ALG1: variants seen among roughly 807,000 people sequenced by gnomAD.
ALG1 encodes the protein ALG1 chitobiosyldiphosphodolichol beta-mannosyltransferase, also known as chitobiosyldiphosphodolichol beta-mannosyltransferase.
Under a neutral mutation model 55.1 loss-of-function variants are expected in ALG1, and 58 were observed. That is an observed-to-expected ratio of 1.05 (90% CI 0.85 to 1.31). The LOEUF is 1.31. ALG1 is among the 50% of genes most tolerant of loss of function. The pLI, the probability that ALG1 is intolerant of heterozygous loss-of-function variation, is 0.00. For synonymous variants in ALG1, 309 were observed against 247.0 expected, an observed-to-expected ratio of 1.25 and a Z score of -2.35; for missense variants, 761 against 598.6, an observed-to-expected ratio of 1.27 and a Z score of -2.83.
intron 3 of ALG1, among the ~76,000 whole-genome samples, chr16:5,074,991 C>G (rs1037565065): frequency 6.6e-6 from 1 of 152,174 alleles, no homozygotes; most frequent in African/African-American, 2.4e-5. Context: ...GCAGCCTCAT[C>G]CTCCTGGGCT....
chr16:5,083,246 A>G (rs1957047509), intron 11 of ALG1, among the ~76,000 whole-genome samples: 1 of 152,062 alleles, frequency 6.6e-6, no homozygotes, highest in Non-Finnish European at 1.5e-5. Context: ...CGGCCCCTGG[A>G]TGGGATTTAG....
Position 5,072,005 on chromosome 16 carries a change from C to T in ALG1, c.156C>T (p.His52=), listed in dbSNP as rs1463543177. 3.8e-6 allele frequency: 6 copies of T among 1,598,012 alleles called. No homozygotes were observed. The highest frequency in any genetic ancestry group is 2.3e-5 in the South Asian group (2 of 88,882). Residue 52 remains histidine, a synonymous_variant, in exon 1 of 13, where the codon CAC becomes CAT. Transcript: ENST00000262374. ...DVGRSPRMQY[H]ALSLAMHGFS... ...GCCGCAGCCCCCGTATGCAGTACCA[C>T]GCGCTGTCGTTGGCCATGCACGGCT... is the stretch of plus-strand genomic sequence containing the variant.
In ALG1 at chr16:5,078,874, G is replaced by T; in HGVS notation, c.858G>T (p.Trp286Cys). 1 of 1,611,376 alleles carries T rather than the reference G, an allele frequency of 6.2e-7. No homozygotes were observed. Among genetic ancestry groups the T allele is most frequent in the Non-Finnish European group, 8.5e-7 (1 of 1,179,654 alleles). ...CCCTGCTGGTCAGCAGCACGAGCTG[G>T]ACAGGTCTGCAGGACCCCTGGGGCA... ...RPALLVSSTSWTEDEDFSILL... is the reference protein window; with the variant it reads ...RPALLVSSTSCTEDEDFSILL... Residue 286 changes from tryptophan (W) to cysteine (C), a missense_variant, in exon 7 of 13, where the codon TGG (tryptophan) becomes TGT (cysteine). Trp to Cys is a radical substitution (Grantham distance 215). Coordinates refer to ENST00000262374, the MANE Select transcript of ALG1 (RefSeq NM_019109.5).
Position 5,071,876 on chromosome 16 carries a change from G to A in ALG1, c.27G>A (p.Leu9=), listed in dbSNP as rs760114703. The change falls in exon 1 of 13, where the codon CTG becomes CTA. Residue 9 remains leucine (L), a synonymous_variant. Coordinates refer to ENST00000262374, the MANE Select transcript of ALG1 (RefSeq NM_019109.5). MAASCLVL[L]ALCLLLPLLL... ...TGGCGGCCTCATGCTTGGTCCTGCT[G>A]GCGCTGTGTCTGCTGCTGCCGCTGC... 1.2e-6 allele frequency: 2 copies of A among 1,604,714 alleles called. No homozygotes were observed. The highest frequency in any genetic ancestry group is 1.7e-6 in the Non-Finnish European group (2 of 1,178,006).
chr16:5,078,434 C>G (rs528193935), intron 6 of ALG1: 5 of 608,818 alleles, frequency 8.2e-6, no homozygotes, highest in African/African-American at 5.4e-5. Context: ...GTCTACGCAC[C>G]CTGAGGTGTG....
chr16:5,084,532 T>C, intron 12 of ALG1: 3 of 735,300 alleles, frequency 4.1e-6, no homozygotes, highest in Non-Finnish European at 4.5e-6. Flanking sequence ...GGGCACCAAG[T>C]GTGGGAAAGT....
rs957568943 is a variant in ALG1, at chr16:5,085,040, C to T, written c.*159C>T. The stretch of plus-strand genomic sequence containing the variant: ...TGGTAAAAGAATTGGTTCTGTGACC[C>T]GGGAAGCTTTGGTTGGCCTTGATTT... On this transcript the variant is annotated 3_prime_UTR_variant, in exon 13 of 13. Coordinates refer to ENST00000262374, the MANE Select transcript of ALG1 (RefSeq NM_019109.5). 3.3e-5 allele frequency: 46 copies of T among 1,383,226 alleles called. No individual in the cohort carries two copies. The highest frequency in any genetic ancestry group is 1.0e-4 in the Admixed American group (5 of 50,074). The allele number at this position is 1,383,226 out of a possible 1,614,324, so 85.7% of individuals were successfully genotyped here.
Position 5,077,950 on chromosome 16 carries a change from A to G in ALG1, c.673A>G (p.Thr225Ala). ...YDKPASFFKE[T>A]PLDLQHRLFM... Reference sequence around the variant, plus strand: ...CAAGCCCGCATCTTTCTTTAAAGAGACACCTCTGGACCTGCAGCACCGGCT... The same window carrying G: ...CAAGCCCGCATCTTTCTTTAAAGAGGCACCTCTGGACCTGCAGCACCGGCT... The change falls in exon 6 of 13, where the codon ACA becomes GCA. Residue 225 changes from threonine to alanine, a missense_variant. Thr to Ala is a moderately conservative substitution (Grantham distance 58). Transcript: ENST00000262374. 6.2e-7 allele frequency: 1 copy of G among 1,606,238 alleles called. No homozygotes were observed. Among genetic ancestry groups the G allele is most frequent in the South Asian group, 1.1e-5 (1 of 90,992 alleles).
In ALG1 at chr16:5,085,709, C is replaced by T. The variant is rs1434912694; in HGVS notation, c.*828C>T. On this transcript the variant is annotated 3_prime_UTR_variant, in exon 13 of 13. Transcript: ENST00000262374. The stretch of plus-strand genomic sequence containing the variant: ...AGTTTCTGCTCATGACGAGGTTCCA[C>T]TTCCCATCTGATCCCGGCCCGGCCT... 1.2e-6 allele frequency: 2 copies of T among 1,611,756 alleles called. No individual in the cohort carries two copies. The highest frequency in any genetic ancestry group is 1.7e-5 in the Admixed American group (1 of 59,988).
chr16:5,072,366 C>A, intron 1 of ALG1: 1 of 846,582 alleles, frequency 1.2e-6, no homozygotes, highest in Non-Finnish European at 1.7e-6. Flanking sequence ...CCCTGTGCAG[C>A]TACCCTTGTC....
At position 5,081,034 on chromosome 16, in the gene ALG1, C is replaced by T. The variant is rs777066439; in HGVS notation, c.1050C>T (p.Ala350=). Residue 350 remains alanine, a synonymous_variant, in exon 10 of 13, where the codon GCC becomes GCT. Coordinates refer to ENST00000262374, the MANE Select transcript of ALG1 (RefSeq NM_019109.5). ...AGGTCTGCACCCCCTGGCTGGAGGC[C>T]GAGGACTACCCCCTGCTTCTAGGTG... ...HIQVCTPWLE[A]EDYPLLLGSA... is the part of the protein sequence containing the mutation. The T allele has an allele frequency of 2.4e-5, 38 of 1,588,726 alleles. No individual in the cohort carries two copies. The highest frequency in any genetic ancestry group is 1.2e-4 in the South Asian group (11 of 90,902).
chr16:5,084,721 G>A lies in ALG1; in HGVS notation c.1264-29G>A, dbSNP rs759547724. Reference sequence around the variant, plus strand: ...GGGATGGGGTGGGGACAGGCAATGAGGTAAGCTCTGCTCTTTATTTTTTTG... The same window carrying A: ...GGGATGGGGTGGGGACAGGCAATGAAGTAAGCTCTGCTCTTTATTTTTTTG... On this transcript the variant is annotated intron_variant, in intron 12 of 12. Transcript: ENST00000262374. 1.9e-5 allele frequency: 31 copies of A among 1,596,310 alleles called. No individual in the cohort carries two copies. In the African/African-American group the frequency reaches 4.0e-4, roughly 21 times the overall value.
chr16:5,073,004 T>C lies in ALG1; in HGVS notation c.262T>C (p.Leu88=). The C allele has an allele frequency of 1.2e-6, 2 of 1,614,166 alleles. No individual in the cohort carries two copies. The highest frequency in any genetic ancestry group is 2.2e-5 in the South Asian group (2 of 91,088). Reference sequence around the variant, plus strand: ...GAACAACAGAATTCAGATTGTGGGGTTGACAGAACTTCAGAGTCTTGCAGG... The same window carrying C: ...GAACAACAGAATTCAGATTGTGGGGCTGACAGAACTTCAGAGTCTTGCAGG... The part of the protein sequence containing the change: ...LQNNRIQIVG[L]TELQSLAVGP... The change falls in exon 2 of 13, where the codon TTG becomes CTG. Residue 88 remains leucine, a synonymous_variant. Transcript: ENST00000262374.
chr16:5,076,435 C>T (rs1192835367), intron 4 of ALG1, among the ~76,000 whole-genome samples: 2 of 152,224 alleles, frequency 1.3e-5, no homozygotes, highest in African/African-American at 2.4e-5. Context: ...TCTCTATGCA[C>T]CTCAGGAGGG....
In ALG1 at chr16:5,085,748, A is replaced by G. The variant is rs536814642; in HGVS notation, c.*867A>G. ...CCGGCCCGGCCTGGAAACAGAGCAC[A>G]TGTGTTTGAGGATGGCGGTGTTTGG... On this transcript the variant is annotated 3_prime_UTR_variant, in exon 13 of 13. Coordinates refer to ENST00000262374, the MANE Select transcript of ALG1 (RefSeq NM_019109.5). 6.5e-5 allele frequency: 103 copies of G among 1,593,590 alleles called. 1 individual carries two copies. In the South Asian group the frequency reaches 1.1e-3, roughly 17 times the overall value.
Position 5,085,462 on chromosome 16 carries a change from C to G in ALG1, c.*581C>G. ...TGCTGGCAGAAAGGGGGCACCCACA[C>G]GCTTAGATAGCCGATGTCTTATTAG... is the stretch of plus-strand genomic sequence containing the variant. On this transcript the variant is annotated 3_prime_UTR_variant, in exon 13 of 13. Transcript: ENST00000262374. 2 of 649,336 alleles carry G rather than the reference C, an allele frequency of 3.1e-6. No homozygotes were observed. Among genetic ancestry groups the G allele is most frequent in the Non-Finnish European group, 5.7e-6 (2 of 351,414 alleles). 40.2% of individuals were successfully genotyped at this position (649,336 alleles called of 1,614,324 possible).
chr16:5,079,049 A>G lies in ALG1; in HGVS notation c.863-15A>G, dbSNP rs371947976. 6.8e-5 allele frequency: 109 copies of G among 1,602,902 alleles called. No individual in the cohort carries two copies. The highest frequency in any genetic ancestry group is 2.2e-4 in the Middle Eastern group (1 of 4,452). ...TCTAGAAACAGGCCCCTGACATTCA[A>G]TTCTCTTCTCATAGAGGACGAAGAC... On this transcript the variant is annotated splice_polypyrimidine_tract_variant and intron_variant, in intron 7 of 12. Transcript: ENST00000262374.
rs1956894582 is a variant in ALG1, at chr16:5,075,494, T to C, written c.497T>C (p.Leu166Pro). The change falls in exon 4 of 13, where the codon CTG becomes CCG. Residue 166 changes from leucine to proline, a missense_variant. Coordinates refer to ENST00000262374, the MANE Select transcript of ALG1 (RefSeq NM_019109.5). Reference sequence around the variant, plus strand: ...AACTATGGCTACTCCATCATGGGTCTGGTGCATGGCCCCAACCATCCCCTC... The same window carrying C: ...AACTATGGCTACTCCATCATGGGTCCGGTGCATGGCCCCAACCATCCCCTC... ...WHNYGYSIMG[L>P]VHGPNHPLVL... The C allele has an allele frequency of 6.2e-7, 1 of 1,614,082 alleles. No individual in the cohort carries two copies. The highest frequency in any genetic ancestry group is 1.1e-5 in the South Asian group (1 of 91,090).
intron 3 of ALG1, among the ~76,000 whole-genome samples, chr16:5,074,971 T>G (rs936743209): frequency 7.2e-5 from 11 of 152,194 alleles, no homozygotes; most frequent in Admixed American, 5.9e-4. Flanking sequence ...GGCACAATCA[T>G]AGCTTAACTG....
Sources: gnomAD v4.1 joint callset for allele counts (sites outside exome capture counted in the v4.1 genomes callset) on GRCh38, gnomAD v4.1.1 for gene constraint, MANE v1.5 for transcripts, NCBI Gene and HGNC (gene_info 2026-07-23, HGNC 2026-07-21) for gene names.